Variants in FRMPD1 observed in about 807,000 individuals in gnomAD.
The protein encoded by FRMPD1 is FERM and PDZ domain containing 1.
FRMPD1 carries 76 observed loss-of-function variants against 117.8 expected under a neutral mutation model. The observed-to-expected ratio is 0.65, with a 90% CI of 0.54 to 0.78. The LOEUF (loss-of-function observed/expected upper bound fraction) is 0.78. Ranked by LOEUF, FRMPD1 falls within the 30% of genes least tolerant of loss-of-function variation. The pLI is 0.00. For missense variants in FRMPD1, 1,786 were observed against 1,964.5 expected (o/e 0.91, Z 1.72); for synonymous variants, 783 against 770.4 (o/e 1.02, Z -0.27).
Position 37,744,569 on chromosome 9 carries a change from A to G in FRMPD1, c.2537A>G (p.Tyr846Cys), listed in dbSNP as rs766415968. The change falls in exon 16 of 16, where the codon TAC (tyrosine) becomes TGC (cysteine). Residue 846 changes from tyrosine (Y) to cysteine (C), a missense_variant. Coordinates refer to ENST00000377765, the MANE Select transcript of FRMPD1 (RefSeq NM_014907.3). ...AGAAGGTCTTTCCTACAGACCGACTACACCTCTCAGGTCTCATTTCCCCTG... is the reference window on the plus strand; with the variant it reads ...AGAAGGTCTTTCCTACAGACCGACTGCACCTCTCAGGTCTCATTTCCCCTG... ...RKRRSFLQTD[Y>C]TSQVSFPLVP... 6.2e-7 allele frequency: 1 copy of G among 1,614,112 alleles called. No homozygotes were observed. The highest frequency in any genetic ancestry group is 1.1e-5 in the South Asian group (1 of 91,078).
In FRMPD1 at chr9:37,746,399, C is replaced by T; in HGVS notation, c.4367C>T (p.Thr1456Ile). The change falls in exon 16 of 16, where the codon ACC (threonine) becomes ATC (isoleucine). Residue 1456 changes from threonine to isoleucine, a missense_variant. Physicochemically the swap from Thr to Ile is moderately conservative, Grantham distance 89. Coordinates refer to ENST00000377765, the MANE Select transcript of FRMPD1 (RefSeq NM_014907.3). ...HPPEKCTWHFTESRSRLCMGS... is the reference protein window; with the variant it reads ...HPPEKCTWHFIESRSRLCMGS... ...CCAGAGAAGTGCACCTGGCACTTTA[C>T]CGAAAGCCGGAGCCGCCTCTGCATG... is the stretch of plus-strand genomic sequence containing the variant. The T allele has an allele frequency of 6.2e-7, 1 of 1,613,102 alleles. No individual in the cohort carries two copies. The highest frequency in any genetic ancestry group is 1.3e-5 in the African/African-American group (1 of 75,048).
the FRMPD1 span, among the ~76,000 whole-genome samples, chr9:37,606,362 G>A: frequency 3.9e-5 from 6 of 152,228 alleles, no homozygotes; most frequent in Non-Finnish European, 7.3e-5. Context: ...ATTTGGTGAT[G>A]AAAGTGATGT....
Position 37,740,683 on chromosome 9 carries a change from CTGAG to C in FRMPD1, c.2159_2162del (p.Ser720ThrfsTer108). ...TTCCAGTGTCTCCCCGGCCAGCTAC[CTGAG>C]TGACAGTTCCGAGAGTACAGCTTCC... On this transcript the variant is annotated frameshift_variant, in exon 15 of 16. Coordinates refer to ENST00000377765, the MANE Select transcript of FRMPD1 (RefSeq NM_014907.3). LOFTEE classifies it high-confidence loss of function. This position sits in a 1 kb window ranked among gnomAD's most constrained non-coding sequence, Gnocchi z 4.2. 1 of 1,614,160 alleles carries C rather than the reference CTGAG, an allele frequency of 6.2e-7. No homozygotes were observed. Among genetic ancestry groups the C allele is most frequent in the Non-Finnish European group, 8.5e-7 (1 of 1,180,022 alleles).
At chr9:37,717,448 C>T (rs1257676999) in intron 5 of FRMPD1, among the ~76,000 whole-genome samples, 5 of 148,518 alleles carry the variant, frequency 3.4e-5, no homozygotes, top group East Asian at 2.0e-4. Context: ...GGTGCAATCT[C>T]GGCTCACTGC....
At chr9:37,737,863 C>A (rs1337978084) in intron 14 of FRMPD1, among the ~76,000 whole-genome samples, 1 of 149,520 alleles carries the variant, frequency 6.7e-6, no homozygotes, top group Non-Finnish European at 1.5e-5. Flanking sequence ...CATTATTTCT[C>A]ATCAAAAAGA....
At chr9:37,726,541 T>C (rs151193354) in intron 7 of FRMPD1, among the ~76,000 whole-genome samples, 2,105 of 151,870 alleles carry the variant, frequency 0.014, 47 homozygotes, top group African/African-American at 0.048. Flanking sequence ...CTACTAATAA[T>C]ACAAAAATTA....
In FRMPD1 at chr9:37,746,867, C is replaced by G; in HGVS notation, c.*98C>G. 1 of 770,674 alleles carries G rather than the reference C, an allele frequency of 1.3e-6. No homozygotes were observed. The highest frequency in any genetic ancestry group is 2.5e-5 in the East Asian group (1 of 39,298). The allele number at this position is 770,674 out of a possible 1,614,324, so 47.7% of individuals were successfully genotyped here. A position where few individuals can be genotyped will look rare whatever the true frequency, so the allele number is the denominator to read the frequency against. On this transcript the variant is annotated 3_prime_UTR_variant, in exon 16 of 16. Transcript: ENST00000377765. ...CCCACCCACCCTCTTCAAATGTTTA[C>G]TATATAGAGTATTCAAATAAACTGC...
chr9:37,649,589 G>A (rs1230192875), upstream of FRMPD1, among the ~76,000 whole-genome samples: 2 of 152,230 alleles, frequency 1.3e-5, no homozygotes, highest in African/African-American at 4.8e-5. Flanking sequence ...AGGTCACAAA[G>A]GAGGAGCACC....
At chr9:37,739,174 G>C (rs73445196) in intron 14 of FRMPD1, among the ~76,000 whole-genome samples, 2 of 152,134 alleles carry the variant, frequency 1.3e-5, no homozygotes, top group African/African-American at 4.8e-5. Flanking sequence ...GGGCCATCCT[G>C]GGAGAGGGGG....
the FRMPD1 span, among the ~76,000 whole-genome samples, chr9:37,637,552 T>C: frequency 6.6e-6 from 1 of 152,196 alleles, no homozygotes; most frequent in African/African-American, 2.4e-5. Flanking sequence ...CCCTACACTC[T>C]GGCAAGCAAG....
chr9:37,648,625 A>G (rs190851690), upstream of FRMPD1, among the ~76,000 whole-genome samples: 3 of 152,264 alleles, frequency 2.0e-5, no homozygotes, highest in Non-Finnish European at 2.9e-5. Flanking sequence ...GTGTAAGAGA[A>G]GTTAAGGAGA....
intron 1 of FRMPD1, among the ~76,000 whole-genome samples, chr9:37,667,062 C>CTTTTCTTTTTTTTTTTTTT (rs1821182865): frequency 9.0e-6 from 1 of 111,054 alleles, no homozygotes; most frequent in Admixed American, 9.7e-5. Context: ...TTGAAGCATG[C>CTTTTCTTTTTTTTTTTTTT]TTTTTTTTTT....
intron 2 of FRMPD1, among the ~76,000 whole-genome samples, chr9:37,693,774 C>A (rs1191765325): frequency 6.6e-6 from 1 of 152,192 alleles, no homozygotes; most frequent in African/African-American, 2.4e-5. Flanking sequence ...ACTACAAGCA[C>A]CCTCTCTTCT....
At chr9:37,729,685 T>A in intron 7 of FRMPD1, 43 bp from the exon 8 acceptor site, 6 of 1,606,134 alleles carry the variant, frequency 3.7e-6, no homozygotes, top group Non-Finnish European at 5.1e-6. Flanking sequence ...GGGAAGTCCT[T>A]CCTGTTTCTT....
At chr9:37,616,117 C>CTTT in the FRMPD1 span, among the ~76,000 whole-genome samples, 98 of 96,760 alleles carry the variant, frequency 1.0e-3, 2 homozygotes, top group African/African-American at 3.0e-3. Context: ...GTGCCCAGCC[C>CTTT]TTTTTTTTTT....
intron 1 of FRMPD1, among the ~76,000 whole-genome samples, chr9:37,672,311 A>G (rs973201968): frequency 1.3e-5 from 2 of 152,192 alleles, no homozygotes; most frequent in South Asian, 2.1e-4. Flanking sequence ...TGCCATGAAC[A>G]AAAAAGGAAG....
At chr9:37,694,814 A>G (rs1588934800) in intron 2 of FRMPD1, among the ~76,000 whole-genome samples, 1 of 152,264 alleles carries the variant, frequency 6.6e-6, no homozygotes, top group Middle Eastern at 3.4e-3. Flanking sequence ...TTTACTTACC[A>G]TAATGTGTTC....
At chr9:37,652,377 T>A (rs1820702056) in intron 1 of FRMPD1, among the ~76,000 whole-genome samples, 1 of 152,230 alleles carries the variant, frequency 6.6e-6, no homozygotes, top group South Asian at 2.1e-4. Context: ...ACGAGGTAGT[T>A]AACTGTGATA....
At chr9:37,743,630 A>T (rs2118514282) in intron 15 of FRMPD1, among the ~76,000 whole-genome samples, 1 of 146,590 alleles carries the variant, frequency 6.8e-6, no homozygotes, top group Admixed American at 7.1e-5. Context: ...ATCTTCGTGA[A>T]CAGTTCCAGC....
Sources: gnomAD v4.1 joint callset for allele counts (sites outside exome capture counted in the v4.1 genomes callset) on GRCh38, gnomAD v4.1.1 for gene constraint, Gnocchi (gnomAD v3.1) non-coding constraint, MANE v1.5 for transcripts, NCBI Gene and HGNC (gene_info 2026-07-23, HGNC 2026-07-21) for gene names.